The following MBP variants were observed in gnomAD, a reference collection of about 807,000 sequenced individuals.
MBP encodes myelin basic protein, also known as Golli-MBP.
A neutral mutation model predicts 35.8 loss-of-function variants in MBP; 16 were observed. The ratio of observed to expected loss-of-function variants is 0.45; its 90% CI spans 0.30 to 0.68. MBP has a LOEUF of 0.68. Among genes scored for constraint, MBP ranks in the 30% least tolerant of loss-of-function variants. The pLI is 0.08. For missense variants in MBP, 380 were observed against 404.7 expected, an observed-to-expected ratio of 0.94 and a Z score of 0.52; for synonymous variants, 143 against 159.6, an observed-to-expected ratio of 0.90 and a Z score of 0.78.
At chr18:77,051,310 C>T (rs1017318549) in intron 3 of MBP, among the ~76,000 whole-genome samples, 2 of 152,200 alleles carry the variant, frequency 1.3e-5, no homozygotes, top group South Asian at 2.1e-4. Flanking sequence ...GCGAATGACG[C>T]GAGCATCTCT....
chr18:76,982,102 C>A (rs932997819), intron 8 of MBP: 4 of 152,182 alleles, frequency 2.6e-5, no homozygotes, highest in African/African-American at 9.7e-5. Context: ...ATGCAGGAAA[C>A]CCGTTTTTCC....
chr18:76,996,817 C>T (rs1218796297), intron 4 of MBP, among the ~76,000 whole-genome samples: 1 of 152,122 alleles, frequency 6.6e-6, no homozygotes, highest in East Asian at 1.9e-4. Flanking sequence ...CATCACAACT[C>T]ATAGAAGTGT....
At chr18:77,105,591 TCATC>T (rs1417030609) in intron 1 of MBP, among the ~76,000 whole-genome samples, 1 of 152,152 alleles carries the variant, frequency 6.6e-6, no homozygotes, top group Admixed American at 6.5e-5. Flanking sequence ...ATCTATCTAT[TCATC>T]CACCCATCCA....
chr18:77,032,516 A>T (rs1972581268), intron 3 of MBP, among the ~76,000 whole-genome samples: 1 of 152,184 alleles, frequency 6.6e-6, no homozygotes, highest in African/African-American at 2.4e-5. Context: ...GCCGTGTGCT[A>T]GGGGAGCCTC....
intron 4 of MBP, chr18:77,002,980 A>T (rs1231582599): frequency 6.6e-6 from 1 of 152,252 alleles, no homozygotes; most frequent in Non-Finnish European, 1.5e-5. Context: ...AAAGTCAATG[A>T]CATATGCCAG....
At chr18:77,033,785 TCCATC>T (rs1178260578) in intron 3 of MBP, among the ~76,000 whole-genome samples, 10 of 144,470 alleles carry the variant, frequency 6.9e-5, no homozygotes, top group Middle Eastern at 3.4e-3. Flanking sequence ...CATCCATCCA[TCCATC>T]CATCCACCCA....
At chr18:77,097,083 G>A (rs1975784591) in intron 2 of MBP, among the ~76,000 whole-genome samples, 2 of 152,344 alleles carry the variant, frequency 1.3e-5, no homozygotes, top group Admixed American at 1.3e-4. Flanking sequence ...CCAGAGACCA[G>A]GCCTGTTCTG....
chr18:77,132,038 G>T (rs1240250235), intron 1 of MBP, among the ~76,000 whole-genome samples: 2 of 152,160 alleles, frequency 1.3e-5, no homozygotes, highest in African/African-American at 4.8e-5. Flanking sequence ...CCCCCGGGGT[G>T]TGATTAGCAG....
intron 7 of MBP, chr18:76,985,265 G>A: frequency 7.5e-7 from 1 of 1,332,662 alleles, no homozygotes; most frequent in Non-Finnish European, 9.9e-7. Context: ...AGGTAAGGAG[G>A]CTCCTGCCTA....
chr18:77,045,509 C>CCAGCAGAGACATTTGCATGTGTCT (rs1398522949), intron 3 of MBP, among the ~76,000 whole-genome samples: 1 of 152,246 alleles, frequency 6.6e-6, no homozygotes. Context: ...AGCCTGGCTG[C>CCAGCAGAGACATTTGCATGTGTCT]CAGCAGAGAC....
At chr18:77,008,035 C>A (rs1185924795) in intron 4 of MBP, among the ~76,000 whole-genome samples, 1 of 152,118 alleles carries the variant, frequency 6.6e-6, no homozygotes, top group Non-Finnish European at 1.5e-5. Flanking sequence ...CACGGGGTTT[C>A]TGGCAGAGGC....
At chr18:77,112,354 G>A (rs148607005) in intron 1 of MBP, among the ~76,000 whole-genome samples, 2,008 of 152,350 alleles carry the variant, frequency 0.013, 16 homozygotes, top group Non-Finnish European at 0.02. Context: ...ACCTGCGGGA[G>A]GTCGGACATG....
rs554216176 is a variant in MBP, at chr18:77,057,982, A to G, written c.139+8316T>C. 3.3e-4 allele frequency among the ~76,000 whole-genome samples: 21 copies of G among 63,992 alleles called. 6 individuals are homozygous for G. The highest frequency in any genetic ancestry group is 1.3e-3 in the South Asian group (2 of 1,494). 42.0% of individuals were successfully genotyped at this position (63,992 alleles called of 152,430 possible). ...GCTGGGACTACAGGCGCCCGCCACT[A>G]CGCCCGGCTAATTTTTTGTATTTTT... On this transcript the variant is annotated intron_variant, in intron 3 of 8. Coordinates refer to ENST00000355994, the MANE Select transcript of MBP (RefSeq NM_001025101.2).
intron 2 of MBP, among the ~76,000 whole-genome samples, chr18:77,085,691 T>TTTG (rs1975200375): frequency 6.7e-6 from 1 of 150,184 alleles, no homozygotes; most frequent in South Asian, 2.1e-4. Context: ...AAGTTTTTTT[T>TTTG]TTTTTTTTTT....
intron 4 of MBP, chr18:77,009,950 T>C (rs1264514439): frequency 2.6e-6 from 4 of 1,543,492 alleles, no homozygotes; most frequent in Non-Finnish European, 3.5e-6. Flanking sequence ...CAGAGTGGGC[T>C]GCGTGAGTCC....
chr18:77,120,151 G>A (rs571816385), intron 1 of MBP, among the ~76,000 whole-genome samples: 5 of 152,374 alleles, frequency 3.3e-5, no homozygotes, highest in East Asian at 1.9e-4. Context: ...GTTCGCTCTC[G>A]CTTGGTGCGA....
At chr18:77,080,871 C>G (rs1483609544) in intron 2 of MBP, among the ~76,000 whole-genome samples, 4 of 152,014 alleles carry the variant, frequency 2.6e-5, no homozygotes, top group African/African-American at 9.7e-5. Flanking sequence ...TTAGTAGAGA[C>G]AGGGTTTCAC....
chr18:77,010,504 C>T (rs1419222525), intron 4 of MBP, among the ~76,000 whole-genome samples: 4 of 152,202 alleles, frequency 2.6e-5, no homozygotes, highest in Admixed American at 1.3e-4. Flanking sequence ...GAACCGAGGA[C>T]GGACCTTTTC....
intron 4 of MBP, among the ~76,000 whole-genome samples, chr18:76,991,815 C>T (rs1157492950): frequency 6.6e-6 from 1 of 152,198 alleles, no homozygotes; most frequent in African/African-American, 2.4e-5. Flanking sequence ...GTATTTCCCT[C>T]CAGTCTGTCA....
Sources: gnomAD v4.1 joint callset for allele counts (sites outside exome capture counted in the v4.1 genomes callset) on GRCh38, gnomAD v4.1.1 for gene constraint, MANE v1.5 for transcripts, NCBI Gene and HGNC (gene_info 2026-07-23, HGNC 2026-07-21) for gene names.